Variants in TRIM71 observed in about 807,000 individuals in gnomAD.
TRIM71 encodes the protein E3 ubiquitin-protein ligase TRIM71.
TRIM71 carries 9 observed loss-of-function variants against 61.2 expected under a neutral mutation model. The ratio of observed to expected loss-of-function variants is 0.15; its 90% CI spans 0.09 to 0.26. The LOEUF (loss-of-function observed/expected upper bound fraction) is 0.26, where lower values mean the gene tolerates loss of function less well. Ranked by LOEUF, TRIM71 falls within the 10% of genes least tolerant of loss-of-function variation. The probability of loss-of-function intolerance (pLI) is 1.00; values close to 1 mark genes in which losing one functional copy is unlikely to be tolerated. For missense variants in TRIM71, 998 were observed against 1,238.7 expected (o/e 0.81, Z 2.92); for synonymous variants, 645 against 553.2 (o/e 1.17, Z -2.33).
At position 32,839,940 on chromosome 3, in the gene TRIM71, C is replaced by A. The variant is rs188603100; in HGVS notation, c.852+21008C>A. Among the ~76,000 whole-genome samples, 140 of 152,162 alleles carry A rather than the reference C, an allele frequency of 9.2e-4. 1 individual carries two copies. The highest frequency in any genetic ancestry group is 3.2e-3 in the African/African-American group (133 of 41,500). On this transcript the variant is annotated intron_variant, in intron 1 of 3. Transcript: ENST00000383763. ...AGCACTTTGCTGAGGACTCTACTGG[C>A]GATTAGAACTGTATCTACAAAGCAA...
Position 32,818,280 on chromosome 3 carries a change from G to A in TRIM71, c.200G>A (p.Arg67His). The part of the protein sequence containing the change: ...HVLPCLHAFC[R>H]PCLEAHRLPA... ...CTGCCCTGCCTGCACGCCTTCTGCCGCCCCTGCCTCGAGGCGCACCGGCTG... is the reference window on the plus strand; with the variant it reads ...CTGCCCTGCCTGCACGCCTTCTGCCACCCCTGCCTCGAGGCGCACCGGCTG... Residue 67 changes from arginine to histidine, a missense_variant, in exon 1 of 4, where the codon CGC becomes CAC. Arg to His is a conservative substitution (Grantham distance 29). This residue lies in a region of TRIM71 where 527 missense variants were observed against 427.8 expected (regional missense o/e 1.23). Coordinates refer to ENST00000383763, the MANE Select transcript of TRIM71 (RefSeq NM_001039111.3). 1 of 1,418,140 alleles carries A rather than the reference G, an allele frequency of 7.1e-7. No individual in the cohort carries two copies. Among genetic ancestry groups the A allele is most frequent in the Non-Finnish European group, 9.1e-7 (1 of 1,097,228 alleles). 87.8% of individuals were successfully genotyped at this position (1,418,140 alleles called of 1,614,324 possible).
chr3:32,827,010 C>T (rs1276299978), intron 1 of TRIM71, among the ~76,000 whole-genome samples: 1 of 152,000 alleles, frequency 6.6e-6, no homozygotes, highest in Non-Finnish European at 1.5e-5. Flanking sequence ...ATGATCCACC[C>T]GCCTCGGCCT....
At chr3:32,870,968 ATTTTTTT>A (rs537452978) in intron 1 of TRIM71, among the ~76,000 whole-genome samples, 3 of 137,866 alleles carry the variant, frequency 2.2e-5, no homozygotes, top group African/African-American at 5.3e-5. Flanking sequence ...ACGCCCAGCA[ATTTTTTT>A]TTTTTTTTTT....
Position 32,896,797 on chromosome 3 carries a change from ACT to A in TRIM71, c.*4989_*4990del, listed in dbSNP as rs1238130405. 1 of 152,002 alleles carries A rather than the reference ACT, an allele frequency of 6.6e-6. No homozygotes were observed. The highest frequency in any genetic ancestry group is 1.5e-5 in the Non-Finnish European group (1 of 68,022). The allele number at this position is 152,002 out of a possible 1,614,324, so 9.4% of individuals were successfully genotyped here. On this transcript the variant is annotated 3_prime_UTR_variant, in exon 4 of 4. Coordinates refer to ENST00000383763, the MANE Select transcript of TRIM71 (RefSeq NM_001039111.3). ...AAGCTCAGGTAGTATTTTTCTTAAG[ACT>A]CTATCTCAGAGCACACTGACTGAAT...
At chr3:32,819,845 C>G (rs1696107851) in intron 1 of TRIM71, among the ~76,000 whole-genome samples, 2 of 152,216 alleles carry the variant, frequency 1.3e-5, no homozygotes, top group Admixed American at 6.5e-5. Flanking sequence ...TGGAAAAGAC[C>G]AAGGCAGCCG....
intron 1 of TRIM71, among the ~76,000 whole-genome samples, chr3:32,837,439 G>C (rs1696346807): frequency 6.6e-6 from 1 of 152,096 alleles, no homozygotes; most frequent in Admixed American, 6.6e-5. Flanking sequence ...TAGTTTTAGG[G>C]GCTGTGGATA....
intron 1 of TRIM71, among the ~76,000 whole-genome samples, chr3:32,824,849 C>A (rs759402533): frequency 2.6e-5 from 4 of 152,062 alleles, no homozygotes; most frequent in African/African-American, 4.8e-5. Context: ...GGCTGGAGTT[C>A]AGTGGCGCGA....
intron 2 of TRIM71, among the ~76,000 whole-genome samples, chr3:32,885,209 A>T (rs934660517): frequency 7.9e-5 from 12 of 152,228 alleles, no homozygotes; most frequent in African/African-American, 2.7e-4. Context: ...ATCACTTTGG[A>T]ATCCCTGATT....
chr3:32,818,655 T>C lies in TRIM71; in HGVS notation c.575T>C (p.Leu192Pro), dbSNP rs1696090738. The C allele has an allele frequency of 1.3e-6, 2 of 1,497,820 alleles. No individual in the cohort carries two copies. Among genetic ancestry groups the C allele is most frequent in the Non-Finnish European group, 1.8e-6 (2 of 1,133,832 alleles). The allele number at this position is 1,497,820 out of a possible 1,614,324, so 92.8% of individuals were successfully genotyped here. The stretch of plus-strand genomic sequence containing the variant: ...CCTGCCGCTTCCCCGTCGGCGCTGC[T>C]GCTCCGCCGTCCTCACGGCTGCAGC... ...GGPAASPSAL[L>P]LRRPHGCSSC... is the part of the protein sequence containing the mutation. Residue 192 changes from leucine to proline, a missense_variant, in exon 1 of 4, where the codon CTG (leucine) becomes CCG (proline). Leu to Pro is a moderately conservative substitution (Grantham distance 98). Transcript: ENST00000383763.
At chr3:32,849,417 G>A (rs1220609483) in intron 1 of TRIM71, among the ~76,000 whole-genome samples, 2 of 151,022 alleles carry the variant, frequency 1.3e-5, no homozygotes, top group African/African-American at 4.9e-5. Flanking sequence ...GGAATGTAAT[G>A]GTGCGATCTG....
intron 1 of TRIM71, among the ~76,000 whole-genome samples, chr3:32,843,481 C>A (rs1575346269): frequency 6.6e-6 from 1 of 152,128 alleles, no homozygotes; most frequent in Non-Finnish European, 1.5e-5. Flanking sequence ...GAGTGGATGG[C>A]CCAGTTGTGC....
intron 1 of TRIM71, among the ~76,000 whole-genome samples, chr3:32,838,764 A>C (rs1490677077): frequency 4.0e-5 from 6 of 151,618 alleles, no homozygotes; most frequent in African/African-American, 1.5e-4. Flanking sequence ...ATTCCTGAAG[A>C]CTATCCCTCT....
chr3:32,870,154 A>G (rs1490266555), intron 1 of TRIM71, among the ~76,000 whole-genome samples: 3 of 152,184 alleles, frequency 2.0e-5, no homozygotes, highest in Non-Finnish European at 4.4e-5. Flanking sequence ...TCAGTTTCAA[A>G]TTGTGGTTAG....
chr3:32,842,505 G>A (rs1696417911), intron 1 of TRIM71, among the ~76,000 whole-genome samples: 1 of 152,160 alleles, frequency 6.6e-6, no homozygotes, highest in African/African-American at 2.4e-5. Context: ...AAAGAATTAA[G>A]CCATTGTACC....
intron 1 of TRIM71, among the ~76,000 whole-genome samples, chr3:32,860,775 C>G (rs543198137): frequency 2.8e-4 from 42 of 152,310 alleles, no homozygotes; most frequent in Non-Finnish European, 4.6e-4. Context: ...CTGGGCTCTG[C>G]GTGGCTGGCC....
chr3:32,884,903 C>G (rs1222425277), intron 2 of TRIM71, among the ~76,000 whole-genome samples: 1 of 152,158 alleles, frequency 6.6e-6, no homozygotes, highest in Non-Finnish European at 1.5e-5. Flanking sequence ...TCACATCTAC[C>G]TTTACCAAGG....
chr3:32,845,388 T>C (rs1696459493), intron 1 of TRIM71, among the ~76,000 whole-genome samples: 2 of 152,084 alleles, frequency 1.3e-5, no homozygotes, highest in African/African-American at 4.8e-5. Context: ...AGGTGTTTAG[T>C]ATATTCAGGA....
rs1354255250 is a variant in TRIM71, at chr3:32,891,521, G to T, written c.2317G>T (p.Val773Phe). Residue 773 changes from valine (V) to phenylalanine (F), a missense_variant, in exon 4 of 4, where the codon GTT becomes TTT. Physicochemically the swap from Val to Phe is conservative, Grantham distance 50. Around this residue, in one of 5 missense-constraint regions of TRIM71, gnomAD observed 95 missense variants for 159.0 expected, o/e 0.60. Transcript: ENST00000383763. This position sits in a 1 kb window ranked among gnomAD's most constrained non-coding sequence, Gnocchi z 8.2. ...VTDFNNHRLL[V>F]IHPDCQSARF... ...TGACTTCAACAACCACCGGCTCCTGGTTATTCACCCCGACTGCCAGTCGGC... is the reference window on the plus strand; with the variant it reads ...TGACTTCAACAACCACCGGCTCCTGTTTATTCACCCCGACTGCCAGTCGGC... 2 of 1,613,364 alleles carry T rather than the reference G, an allele frequency of 1.2e-6. No homozygotes were observed. Among genetic ancestry groups the T allele is most frequent in the African/African-American group, 2.7e-5 (2 of 74,908 alleles).
chr3:32,826,486 A>C lies in TRIM71; in HGVS notation c.852+7554A>C, dbSNP rs1696203215. Among the ~76,000 whole-genome samples, 4 of 151,114 alleles carry C rather than the reference A, an allele frequency of 2.6e-5. No homozygotes were observed. The South Asian group carries it at 8.4e-4, about 32-fold the overall frequency. The stretch of plus-strand genomic sequence containing the variant: ...TGAGTTTTAGAGATACTCATATTAG[A>C]CTTAGGCTAATAGTTTTTTTTGTCA... On this transcript the variant is annotated intron_variant, in intron 1 of 3. Coordinates refer to ENST00000383763, the MANE Select transcript of TRIM71 (RefSeq NM_001039111.3).
Sources: gnomAD v4.1 joint callset for allele counts (sites outside exome capture counted in the v4.1 genomes callset) on GRCh38, gnomAD v4.1.1 for gene constraint, gnomAD v4.1.1 regional missense constraint, Gnocchi (gnomAD v3.1) non-coding constraint, MANE v1.5 for transcripts, NCBI Gene and HGNC (gene_info 2026-07-23, HGNC 2026-07-21) for gene names.